WDR33: variants seen among roughly 807,000 people sequenced by gnomAD.
The protein encoded by WDR33 is WD repeat domain 33.
Under a neutral mutation model 164.9 loss-of-function variants are expected in WDR33, and 47 were observed. The ratio of observed to expected loss-of-function variants is 0.29; its 90% CI spans 0.23 to 0.36. WDR33 has a LOEUF of 0.36. Among genes scored for constraint, WDR33 ranks in the 10% least tolerant of loss-of-function variants. The pLI, the probability that WDR33 is intolerant of heterozygous loss-of-function variation, is 1.00. For synonymous variants in WDR33, 505 were observed against 589.0 expected (o/e 0.86, Z 2.06); for missense variants, 1,137 against 1,754.1 (o/e 0.65, Z 6.28).
chr2:127,701,129 A>C lies in WDR33; in HGVS notation c.*5194T>G, dbSNP rs1348862568. On this transcript the variant is annotated 3_prime_UTR_variant, in exon 22 of 22. Coordinates refer to ENST00000322313, the MANE Select transcript of WDR33 (RefSeq NM_018383.5). ...CTTTACCCATTCCTCCATGTTGCAAAACTAGCACAATATCACCGCCACGGT... is the reference window on the plus strand; with the variant it reads ...CTTTACCCATTCCTCCATGTTGCAACACTAGCACAATATCACCGCCACGGT... The C allele has an allele frequency of 6.2e-6, 1 of 160,136 alleles. No individual in the cohort carries two copies. The highest frequency in any genetic ancestry group is 1.4e-5 in the Non-Finnish European group (1 of 73,542). 9.9% of individuals were successfully genotyped at this position (160,136 alleles called of 1,614,324 possible).
At position 127,718,704 on chromosome 2, in the gene WDR33, A is replaced by G. The variant is rs886767835; in HGVS notation, c.2760+561T>C. On this transcript the variant is annotated intron_variant, in intron 16 of 21. Transcript: ENST00000322313. The surrounding 1 kb of genome is among the most constrained non-coding windows in gnomAD (Gnocchi z 4.4). ...AGGGTCACCATTTCCAGAATGCTCA[A>G]TTCTGGAATAACAGTCTCTTTATTT... Among the ~76,000 whole-genome samples, 5 of 152,238 alleles carry G rather than the reference A, an allele frequency of 3.3e-5. No homozygotes were observed. The highest frequency in any genetic ancestry group is 1.9e-4 in the East Asian group (1 of 5,204).
chr2:127,795,694 G>A (rs893363080), intron 1 of WDR33, among the ~76,000 whole-genome samples: 2 of 151,242 alleles, frequency 1.3e-5, no homozygotes, highest in African/African-American at 4.9e-5. Flanking sequence ...TTAGCCAGGT[G>A]TGGTGGCATG....
chr2:127,736,291 G>C (rs1686839363), intron 7 of WDR33: 2 of 985,384 alleles, frequency 2.0e-6, no homozygotes, highest in South Asian at 4.7e-5. Context: ...GGGAGGAAGA[G>C]GAGACTGGGG....
chr2:127,728,130 T>C (rs1246801859), intron 7 of WDR33, among the ~76,000 whole-genome samples: 1 of 152,180 alleles, frequency 6.6e-6, no homozygotes, highest in Non-Finnish European at 1.5e-5. Context: ...TAGGAAATAA[T>C]GGATGTGCAA....
Position 127,701,963 on chromosome 2 carries a change from C to A in WDR33, c.*4360G>T. On this transcript the variant is annotated 3_prime_UTR_variant, in exon 22 of 22. Coordinates refer to ENST00000322313, the MANE Select transcript of WDR33 (RefSeq NM_018383.5). The stretch of plus-strand genomic sequence containing the variant: ...GCTGCGAAGAAGCGCCGTCCCGGCC[C>A]GCGCTGCTCTACATGGCAGCGCTGG... 7.2e-7 allele frequency: 1 copy of A among 1,394,768 alleles called. No individual in the cohort carries two copies. Among genetic ancestry groups the A allele is most frequent in the Non-Finnish European group, 9.2e-7 (1 of 1,081,164 alleles). 86.4% of individuals were successfully genotyped at this position (1,394,768 alleles called of 1,614,324 possible).
At chr2:127,777,992 G>T (rs951046877) in intron 1 of WDR33, among the ~76,000 whole-genome samples, 5 of 152,128 alleles carry the variant, frequency 3.3e-5, no homozygotes, top group Non-Finnish European at 5.9e-5. Flanking sequence ...AATTATAGCT[G>T]AAGATAAAAG....
chr2:127,783,179 T>C (rs1021262661), intron 1 of WDR33, among the ~76,000 whole-genome samples: 7 of 152,244 alleles, frequency 4.6e-5, no homozygotes, highest in African/African-American at 1.7e-4. Flanking sequence ...ATAAAATTAC[T>C]GAAGTATTTT....
chr2:127,701,884 C>T lies in WDR33; in HGVS notation c.*4439G>A. On this transcript the variant is annotated 3_prime_UTR_variant, in exon 22 of 22. Transcript: ENST00000322313. ...CTCTGGTCACTGGGCTCGGCGCTGG[C>T]GTTGGCGGGAAGCGCGCTGCTGCGG... 6.9e-7 allele frequency: 1 copy of T among 1,457,074 alleles called. No individual in the cohort carries two copies. The highest frequency in any genetic ancestry group is 9.0e-7 in the Non-Finnish European group (1 of 1,110,502). The allele number at this position is 1,457,074 out of a possible 1,614,324, so 90.3% of individuals were successfully genotyped here. A position where few individuals can be genotyped will look rare whatever the true frequency, so the allele number is the denominator to read the frequency against.
intron 1 of WDR33, among the ~76,000 whole-genome samples, chr2:127,782,306 G>T (rs1688400607): frequency 6.6e-6 from 1 of 151,926 alleles, no homozygotes; most frequent in African/African-American, 2.4e-5. Context: ...TACTCAAGAG[G>T]CTGAGGCAGG....
intron 1 of WDR33, among the ~76,000 whole-genome samples, chr2:127,803,668 A>G (rs1206263321): frequency 6.6e-6 from 1 of 152,174 alleles, no homozygotes; most frequent in African/African-American, 2.4e-5. Context: ...TGCATACACC[A>G]CCAAGCATCC....
chr2:127,777,121 G>A (rs13388648), intron 1 of WDR33, among the ~76,000 whole-genome samples: 3,232 of 152,296 alleles, frequency 0.021, 121 homozygotes, highest in African/African-American at 0.075. Context: ...GTTGAATTCA[G>A]TATACACTAA....
intron 7 of WDR33, among the ~76,000 whole-genome samples, chr2:127,745,979 CA>C (rs1687156874): frequency 6.7e-6 from 1 of 148,222 alleles, no homozygotes. Flanking sequence ...GAACTATGAT[CA>C]TACCATTGCA....
intron 1 of WDR33, among the ~76,000 whole-genome samples, chr2:127,803,168 G>A (rs190120565): frequency 3.3e-5 from 5 of 151,854 alleles, no homozygotes; most frequent in Non-Finnish European, 7.4e-5. Flanking sequence ...GAAAAAAAAG[G>A]ACTGGAAAAA....
At chr2:127,794,047 C>A (rs1449932066) in intron 1 of WDR33, among the ~76,000 whole-genome samples, 3 of 152,032 alleles carry the variant, frequency 2.0e-5, no homozygotes, top group East Asian at 3.9e-4. Flanking sequence ...GCGGGAGAAT[C>A]ATTTGAGCCC....
rs189832213 is a variant in WDR33 at position 127,710,410 on chromosome 2, T to C, written c.3309-554A>G. Among the ~76,000 whole-genome samples the C allele has an allele frequency of 4.8e-4, 73 of 152,312 alleles. No individual in the cohort carries two copies. Among genetic ancestry groups the C allele is most frequent in the Non-Finnish European group, 5.0e-4 (34 of 68,034 alleles). ...CAACCATACTGGACCTGTCTGTAGG[T>C]AGGGGCTCTGCCATCTGCCCCAGCC... On this transcript the variant is annotated intron_variant, in intron 18 of 21. Transcript: ENST00000322313. This position sits in a 1 kb window ranked among gnomAD's most constrained non-coding sequence, Gnocchi z 4.4.
chr2:127,701,839 G>A lies in WDR33; in HGVS notation c.*4484C>T. On this transcript the variant is annotated 3_prime_UTR_variant, in exon 22 of 22. Coordinates refer to ENST00000322313, the MANE Select transcript of WDR33 (RefSeq NM_018383.5). Reference sequence around the variant, plus strand: ...CTCTACGCACCGGTGTTGCTGCTGCGCGCGCGCAAGTTCGCGCTGCTCTGG... The same window carrying A: ...CTCTACGCACCGGTGTTGCTGCTGCACGCGCGCAAGTTCGCGCTGCTCTGG... 6.9e-7 allele frequency: 1 copy of A among 1,458,722 alleles called. No individual in the cohort carries two copies. The highest frequency in any genetic ancestry group is 9.0e-7 in the Non-Finnish European group (1 of 1,109,814). 90.4% of individuals were successfully genotyped at this position (1,458,722 alleles called of 1,614,324 possible). A position where few individuals can be genotyped will look rare whatever the true frequency, so the allele number is the denominator to read the frequency against.
chr2:127,809,648 C>T (rs1689575589), intron 1 of WDR33, among the ~76,000 whole-genome samples: 1 of 152,016 alleles, frequency 6.6e-6, no homozygotes, highest in South Asian at 2.1e-4. Flanking sequence ...GTTGGTCAGG[C>T]TGGTCTCGAA....
rs769670138 is a variant in WDR33, at chr2:127,719,581, G to A, written c.2444C>T (p.Pro815Leu). ...GCCGTGTCCCAGTAGTCCACCTGGA[G>A]GGTGAGGTCCTCTCATCTCTTGAGG... The part of the protein sequence containing the change: ...HPPQEMRGPH[P>L]PGGLLGHGPQ... The change falls in exon 16 of 22, where the codon CCT becomes CTT. Residue 815 changes from proline (P) to leucine (L), a missense_variant. Pro to Leu is a moderately conservative substitution (Grantham distance 98, BLOSUM62 -3). Around this residue, in one of 9 missense-constraint regions of WDR33, gnomAD observed 867 missense variants for 1,073.0 expected, o/e 0.81. Coordinates refer to ENST00000322313, the MANE Select transcript of WDR33 (RefSeq NM_018383.5). The surrounding 1 kb of genome is among the most constrained non-coding windows in gnomAD (Gnocchi z 6.5). The A allele has an allele frequency of 3.7e-6, 6 of 1,613,976 alleles. No individual in the cohort carries two copies. The highest frequency in any genetic ancestry group is 2.2e-5 in the South Asian group (2 of 91,074).
chr2:127,711,766 A>ATTTTTTT lies in WDR33; in HGVS notation c.3308+1816_3308+1817insAAAAAAA, dbSNP rs1309830917. Among the ~76,000 whole-genome samples the ATTTTTTT allele has an allele frequency of 1.6e-3, 116 of 72,588 alleles. 1 individual carries two copies. The highest frequency in any genetic ancestry group is 6.2e-3 in the African/African-American group (49 of 7,850). The allele number at this position is 72,588 out of a possible 152,430, so 47.6% of individuals were successfully genotyped here. ...CACATATACAGATATATATATATAT[A>ATTTTTTT]TATATATATATATATTTTTTTTTTG... On this transcript the variant is annotated intron_variant, in intron 18 of 21. Transcript: ENST00000322313.
Sources: gnomAD v4.1 joint callset for allele counts (sites outside exome capture counted in the v4.1 genomes callset) on GRCh38, gnomAD v4.1.1 for gene constraint, gnomAD v4.1.1 regional missense constraint, Gnocchi (gnomAD v3.1) non-coding constraint, MANE v1.5 for transcripts, NCBI Gene and HGNC (gene_info 2026-07-23, HGNC 2026-07-21) for gene names.